C9orf153: variants seen among roughly 807,000 people sequenced by gnomAD.
C9orf153 encodes the protein uncharacterized protein C9orf153.
Under a neutral mutation model 9.0 loss-of-function variants are expected in C9orf153, and 10 were observed. The ratio of observed to expected loss-of-function variants is 1.11; its 90% CI spans 0.69 to 1.89. The LOEUF (loss-of-function observed/expected upper bound fraction) is 1.89. Ranked by LOEUF, C9orf153 falls within the 40% of genes most tolerant of loss-of-function variation. The pLI is 0.00. For missense variants in C9orf153, 108 were observed against 111.0 expected (o/e 0.97, Z 0.12); for synonymous variants, 35 against 37.3 (o/e 0.94, Z 0.23).
intron 1 of C9orf153, among the ~76,000 whole-genome samples, chr9:86,239,608 C>G (rs1465196597): frequency 6.6e-6 from 1 of 152,176 alleles, no homozygotes; most frequent in Middle Eastern, 3.2e-3. Flanking sequence ...CCCTTACAGC[C>G]TGCCTGGGGC....
chr9:86,221,757 G>C, intron 3 of C9orf153, 24 bp from the exon 4 acceptor site: 1 of 1,466,538 alleles, frequency 6.8e-7, no homozygotes, highest in Non-Finnish European at 9.3e-7. Flanking sequence ...TATTTTCAAA[G>C]AATCACATGG....
intron 1 of C9orf153, among the ~76,000 whole-genome samples, chr9:86,250,134 A>T (rs1298050875): frequency 5.9e-5 from 9 of 152,232 alleles, no homozygotes; most frequent in Middle Eastern, 3.2e-3. Flanking sequence ...CACACAGAGC[A>T]GACAATGGTT....
intron 1 of C9orf153, among the ~76,000 whole-genome samples, chr9:86,237,340 CA>C (rs796174347): frequency 5.3e-5 from 8 of 152,298 alleles, no homozygotes; most frequent in Admixed American, 3.3e-4. Context: ...ACAAACCCGT[CA>C]CGACCACTTT....
At chr9:86,255,414 G>T (rs939971251) in intron 1 of C9orf153, among the ~76,000 whole-genome samples, 2 of 152,158 alleles carry the variant, frequency 1.3e-5, no homozygotes, top group Non-Finnish European at 2.9e-5. Context: ...CCTTGATGCA[G>T]CCTGGCTTCT....
At chr9:86,247,259 T>G (rs1824888626) in intron 1 of C9orf153, among the ~76,000 whole-genome samples, 1 of 151,694 alleles carries the variant, frequency 6.6e-6, no homozygotes, top group South Asian at 2.1e-4. Context: ...CAGTGAATGC[T>G]CTCTGTCTTT....
intron 3 of C9orf153, among the ~76,000 whole-genome samples, chr9:86,226,524 A>T (rs556009507): frequency 2.5e-4 from 38 of 152,092 alleles, no homozygotes; most frequent in African/African-American, 7.9e-4. Context: ...GGGTTTTGCC[A>T]TATTGCCCCG....
Position 86,227,866 on chromosome 9 carries a change from T to TA in C9orf153, c.230_231insT (p.Gln77HisfsTer10). On this transcript the variant is annotated frameshift_variant, in exon 3 of 4. Coordinates refer to ENST00000339137, the MANE Select transcript of C9orf153 (RefSeq NM_001276366.4). LOFTEE classifies it high-confidence loss of function. ...TAACCACTGTGCACCTGATAACAGG[T>TA]TGGAGATCTCCTCTCACATCAGCGC... 4.3e-6 allele frequency: 7 copies of TA among 1,611,756 alleles called. No individual in the cohort carries two copies. Among genetic ancestry groups the TA allele is most frequent in the Non-Finnish European group, 5.1e-6 (6 of 1,179,192 alleles).
rs555426200 is a variant in C9orf153 at position 86,221,290 on chromosome 9, G to T, written c.*398C>A. 1 of 162,244 alleles carries T rather than the reference G, an allele frequency of 6.2e-6. No individual in the cohort carries two copies. Among genetic ancestry groups the T allele is most frequent in the African/African-American group, 2.4e-5 (1 of 41,960 alleles). 10.1% of individuals were successfully genotyped at this position (162,244 alleles called of 1,614,324 possible). A position where few individuals can be genotyped will look rare whatever the true frequency, so the allele number is the denominator to read the frequency against. On this transcript the variant is annotated 3_prime_UTR_variant, in exon 4 of 4. Coordinates refer to ENST00000339137, the MANE Select transcript of C9orf153 (RefSeq NM_001276366.4). ...TTTGCTTTAGCCCTGGTCCAAATGG[G>T]TTGCACCGTCCAAACCACTTCTCAC...
intron 1 of C9orf153, among the ~76,000 whole-genome samples, chr9:86,256,583 A>G (rs907609615): frequency 2.6e-5 from 4 of 152,240 alleles, no homozygotes; most frequent in Non-Finnish European, 4.4e-5. Context: ...CAATTTATGA[A>G]GTGTGACTAC....
intron 1 of C9orf153, among the ~76,000 whole-genome samples, chr9:86,241,160 C>T (rs954085560): frequency 6.6e-6 from 1 of 152,188 alleles, no homozygotes; most frequent in Non-Finnish European, 1.5e-5. Context: ...AGTCCACCAA[C>T]TCACCTAGTA....
chr9:86,241,665 C>T (rs1236624518), intron 1 of C9orf153, among the ~76,000 whole-genome samples: 4 of 151,972 alleles, frequency 2.6e-5, no homozygotes, highest in African/African-American at 7.3e-5. Context: ...CTTGCTCTGT[C>T]GTCCAGGCTG....
chr9:86,234,682 A>G (rs1028447481), intron 1 of C9orf153, among the ~76,000 whole-genome samples: 3 of 152,254 alleles, frequency 2.0e-5, no homozygotes, highest in Non-Finnish European at 4.4e-5. Context: ...ACACGAAAAC[A>G]TAAGCTACAG....
intron 1 of C9orf153, among the ~76,000 whole-genome samples, chr9:86,236,120 A>G (rs1824580710): frequency 6.6e-6 from 1 of 152,198 alleles, no homozygotes; most frequent in South Asian, 2.1e-4. Context: ...ATAAATAGCA[A>G]AGATAAGAAT....
In C9orf153 at chr9:86,229,155, G is replaced by A. The variant is rs186698598; in HGVS notation, c.66+383C>T. ...AGCACTGATAGTCTTTTTTTCCAGT[G>A]TTTTTTTGGGGAGTTAAATAGTGTG... is the stretch of plus-strand genomic sequence containing the variant. On this transcript the variant is annotated intron_variant, in intron 2 of 3. Coordinates refer to ENST00000339137, the MANE Select transcript of C9orf153 (RefSeq NM_001276366.4). Among the ~76,000 whole-genome samples the A allele has an allele frequency of 1.3e-4, 20 of 150,514 alleles. No individual in the cohort carries two copies. In the East Asian group the frequency reaches 3.9e-3, roughly 29 times the overall value.
chr9:86,254,078 G>A (rs1013531162), intron 1 of C9orf153, among the ~76,000 whole-genome samples: 37 of 127,000 alleles, frequency 2.9e-4, no homozygotes, highest in African/African-American at 9.8e-4. Flanking sequence ...GAGACAGAGC[G>A]AGACTCCATT....
intron 1 of C9orf153, among the ~76,000 whole-genome samples, chr9:86,249,388 A>T (rs2131202941): frequency 6.6e-6 from 1 of 152,326 alleles, no homozygotes; most frequent in African/African-American, 2.4e-5. Context: ...CTCCCACAGT[A>T]ACTGGTGACA....
intron 1 of C9orf153, among the ~76,000 whole-genome samples, chr9:86,251,463 TAATA>T (rs1022162772): frequency 1.1e-4 from 17 of 152,112 alleles, no homozygotes; most frequent in African/African-American, 3.4e-4. Flanking sequence ...ACTTTGTAAT[TAATA>T]TATATATAAA....
intron 1 of C9orf153, among the ~76,000 whole-genome samples, chr9:86,243,009 A>G (rs1231619966): frequency 2.6e-5 from 4 of 152,186 alleles, no homozygotes; most frequent in Non-Finnish European, 5.9e-5. Flanking sequence ...GAAGGGAGTT[A>G]GTGCGAAGGC....
Position 86,221,133 on chromosome 9 carries a change from G to A in C9orf153, c.*555C>T, listed in dbSNP as rs1824191014. 6.6e-6 allele frequency: 1 copy of A among 152,158 alleles called. No homozygotes were observed. Among genetic ancestry groups the A allele is most frequent in the Non-Finnish European group, 1.5e-5 (1 of 68,076 alleles). The allele number at this position is 152,158 out of a possible 1,614,324, so 9.4% of individuals were successfully genotyped here. On this transcript the variant is annotated 3_prime_UTR_variant, in exon 4 of 4. Transcript: ENST00000339137. ...TCTCATATTGATCTCTATATGCTCA[G>A]ATGTTAATTTGTTTGTTGAATGTAC...
Sources: gnomAD v4.1 joint callset for allele counts (sites outside exome capture counted in the v4.1 genomes callset) on GRCh38, gnomAD v4.1.1 for gene constraint, MANE v1.5 for transcripts, NCBI Gene and HGNC (gene_info 2026-07-23, HGNC 2026-07-21) for gene names.